SPIDR: variants seen among roughly 807,000 people sequenced by gnomAD.
SPIDR encodes DNA repair-scaffolding protein.
In SPIDR, 93 loss-of-function variants were observed where a neutral mutation model predicts 104.6. The ratio of observed to expected loss-of-function variants is 0.89; its 90% CI spans 0.75 to 1.06. The LOEUF (loss-of-function observed/expected upper bound fraction) is 1.06, where lower values mean the gene tolerates loss of function less well. SPIDR is among the 50% of genes least tolerant of loss of function. SPIDR has a pLI of 0.00. For synonymous variants in SPIDR, 431 were observed against 416.9 expected (o/e 1.03, Z -0.41); for missense variants, 1,154 against 1,111.2 (o/e 1.04, Z -0.55).
chr8:47,663,432 C>T (rs1158613667), intron 10 of SPIDR, among the ~76,000 whole-genome samples: 1 of 152,240 alleles, frequency 6.6e-6, no homozygotes, highest in Non-Finnish European at 1.5e-5. Flanking sequence ...GGAGGCAGTC[C>T]TGCTGTATTT....
rs1405460100 is a variant in SPIDR at position 47,677,056 on chromosome 8, C to A, written c.1685+3115C>A. ...AAACTGTACAGTTTTCACAACAGTG[C>A]CAGTCTGATGTATGCTCACCGCAGA... On this transcript the variant is annotated intron_variant, in intron 11 of 19. Coordinates refer to ENST00000297423, the MANE Select transcript of SPIDR (RefSeq NM_001080394.4). Among the ~76,000 whole-genome samples, 3 of 152,214 alleles carry A rather than the reference C, an allele frequency of 2.0e-5. No individual in the cohort carries two copies. The East Asian group carries it at 5.8e-4, about 29-fold the overall frequency.
At chr8:47,282,317 A>C (rs2037947769) in intron 2 of SPIDR, among the ~76,000 whole-genome samples, 1 of 152,256 alleles carries the variant, frequency 6.6e-6, no homozygotes, top group Admixed American at 6.5e-5. Flanking sequence ...GATGCCAAGC[A>C]TTGACTTCTC....
At chr8:47,734,793 A>C (rs532239357) in intron 19 of SPIDR, among the ~76,000 whole-genome samples, 1 of 152,224 alleles carries the variant, frequency 6.6e-6, no homozygotes, top group Non-Finnish European at 1.5e-5. Context: ...CTAACCAAAA[A>C]GAATTAGAAG....
At chr8:47,672,874 T>C (rs1311148662) in intron 10 of SPIDR, among the ~76,000 whole-genome samples, 1 of 152,232 alleles carries the variant, frequency 6.6e-6, no homozygotes, top group African/African-American at 2.4e-5. Flanking sequence ...GATATATTTC[T>C]GCTTCTCTTG....
intron 8 of SPIDR, among the ~76,000 whole-genome samples, chr8:47,470,350 A>G (rs1281806180): frequency 4.6e-5 from 7 of 152,086 alleles, no homozygotes; most frequent in African/African-American, 9.7e-5. Context: ...GTGCAGCGAC[A>G]CGATCTCGGC....
At chr8:47,501,124 G>A (rs1291174508) in intron 8 of SPIDR, among the ~76,000 whole-genome samples, 6 of 152,064 alleles carry the variant, frequency 3.9e-5, no homozygotes, top group South Asian at 4.2e-4. Flanking sequence ...TTGGGGATCC[G>A]GACTCTTTTT....
intron 1 of SPIDR, among the ~76,000 whole-genome samples, chr8:47,266,885 C>T (rs931627313): frequency 1.3e-5 from 2 of 152,222 alleles, no homozygotes; most frequent in African/African-American, 2.4e-5. Context: ...TATTACTAGT[C>T]AGTCACTCCC....
chr8:47,682,304 G>T (rs2077203121), intron 11 of SPIDR, among the ~76,000 whole-genome samples: 1 of 150,496 alleles, frequency 6.6e-6, no homozygotes, highest in Non-Finnish European at 1.5e-5. Context: ...CATGCCTTGT[G>T]ACTCCCGTAT....
intron 8 of SPIDR, among the ~76,000 whole-genome samples, chr8:47,451,656 T>C (rs2071765107): frequency 6.6e-6 from 1 of 151,364 alleles, no homozygotes; most frequent in Non-Finnish European, 1.5e-5. Context: ...ACAGGCTCAT[T>C]GAACTTGAAG....
At chr8:47,354,991 T>G (rs1563721850) in intron 5 of SPIDR, among the ~76,000 whole-genome samples, 1 of 152,034 alleles carries the variant, frequency 6.6e-6, no homozygotes, top group Non-Finnish European at 1.5e-5. Flanking sequence ...GTTTCACTTT[T>G]GTCACCCAGG....
chr8:47,428,470 A>G (rs1197344452), intron 7 of SPIDR, among the ~76,000 whole-genome samples: 1 of 152,202 alleles, frequency 6.6e-6, no homozygotes, highest in Admixed American at 6.5e-5. Flanking sequence ...GATCTAATCT[A>G]AGTCTCCTAG....
rs1165437119 is a variant in SPIDR, at chr8:47,673,831, A to C, written c.1575A>C (p.Gly525=). Reference sequence around the variant, plus strand: ...GCCTTCTGGTACAAGATGCCTGTGGAATGTTCGGTGAAGTGCACTTGGAGT... The same window carrying C: ...GCCTTCTGGTACAAGATGCCTGTGGCATGTTCGGTGAAGTGCACTTGGAGT... ...RACLLVQDAC[G]MFGEVHLEFT... is the part of the protein sequence containing the mutation. Residue 525 remains glycine (G), a synonymous_variant, in exon 11 of 20, where the codon GGA becomes GGC. Coordinates refer to ENST00000297423, the MANE Select transcript of SPIDR (RefSeq NM_001080394.4). The C allele has an allele frequency of 6.2e-7, 1 of 1,614,134 alleles. No homozygotes were observed. The highest frequency in any genetic ancestry group is 8.5e-7 in the Non-Finnish European group (1 of 1,180,028).
intron 4 of SPIDR, among the ~76,000 whole-genome samples, chr8:47,292,450 C>G (rs1248979803): frequency 6.6e-6 from 1 of 152,146 alleles, no homozygotes; most frequent in Non-Finnish European, 1.5e-5. Context: ...GGTTTGTCTT[C>G]ATACATTTCA....
At chr8:47,311,940 G>A (rs199514163) in intron 5 of SPIDR, among the ~76,000 whole-genome samples, 1 of 151,992 alleles carries the variant, frequency 6.6e-6, no homozygotes, top group African/African-American at 2.4e-5. Flanking sequence ...TCATTGTTCA[G>A]TTCCCACCTA....
chr8:47,730,898 T>C (rs897639366), intron 19 of SPIDR, among the ~76,000 whole-genome samples: 10 of 152,158 alleles, frequency 6.6e-5, no homozygotes, highest in Non-Finnish European at 1.2e-4. Flanking sequence ...CATGGATAAG[T>C]CTATGAGCGG....
intron 1 of SPIDR, among the ~76,000 whole-genome samples, chr8:47,275,916 G>C (rs2036331574): frequency 6.6e-6 from 1 of 152,180 alleles, no homozygotes; most frequent in Non-Finnish European, 1.5e-5. Context: ...GAGTGCAGTG[G>C]TGCGATCACA....
chr8:47,713,425 C>G (rs2082146497), intron 15 of SPIDR, 64 bp from the exon 16 acceptor site: 1 of 1,606,540 alleles, frequency 6.2e-7, no homozygotes, highest in Non-Finnish European at 8.5e-7. Context: ...AAGGAGACTG[C>G]CATTATGGGC....
intron 5 of SPIDR, among the ~76,000 whole-genome samples, chr8:47,359,345 C>T (rs1295370206): frequency 1.3e-5 from 2 of 151,674 alleles, no homozygotes; most frequent in East Asian, 1.9e-4. Flanking sequence ...TTTCAAACTT[C>T]GAACTTCTCT....
intron 8 of SPIDR, among the ~76,000 whole-genome samples, chr8:47,464,158 A>G (rs1363087986): frequency 7.1e-6 from 1 of 141,352 alleles, no homozygotes; most frequent in Non-Finnish European, 1.6e-5. Flanking sequence ...ACACACACAG[A>G]GCACGTTAGT....
Sources: allele counts gnomAD v4.1 joint callset (sites outside exome capture counted in the v4.1 genomes callset), GRCh38; gene constraint gnomAD v4.1.1; transcripts MANE v1.5; gene names NCBI Gene and HGNC (gene_info 2026-07-23, HGNC 2026-07-21).